Variants in SEPTIN7 observed in about 807,000 individuals in gnomAD.
SEPTIN7 encodes septin 7.
Under a neutral mutation model 63.3 loss-of-function variants are expected in SEPTIN7, and 10 were observed. The ratio of observed to expected loss-of-function variants is 0.16; its 90% CI spans 0.10 to 0.27. SEPTIN7 has a LOEUF of 0.27. Among genes scored for constraint, SEPTIN7 ranks in the 10% least tolerant of loss-of-function variants. The pLI is 1.00. For missense variants in SEPTIN7, 310 were observed against 521.0 expected (o/e 0.59, Z 3.94); for synonymous variants, 131 against 165.3 (o/e 0.79, Z 1.59).
intron 11 of SEPTIN7, among the ~76,000 whole-genome samples, chr7:35,897,606 T>C (rs1788031575): frequency 6.6e-6 from 1 of 152,158 alleles, no homozygotes; most frequent in Non-Finnish European, 1.5e-5. Context: ...CTGAAGTATG[T>C]GTGTGTGTTT....
At chr7:35,859,065 C>T (rs1247314191) in intron 3 of SEPTIN7, among the ~76,000 whole-genome samples, 1 of 152,024 alleles carries the variant, frequency 6.6e-6, no homozygotes, top group Non-Finnish European at 1.5e-5. Context: ...TTAGTTTGCT[C>T]TTCTTTTTCT....
At chr7:35,859,014 G>T (rs117548269) in intron 3 of SEPTIN7, among the ~76,000 whole-genome samples, 1 of 151,926 alleles carries the variant, frequency 6.6e-6, no homozygotes, top group Non-Finnish European at 1.5e-5. Context: ...ATTTATCTCC[G>T]CTCTAATCTT....
chr7:35,872,634 G>C, intron 4 of SEPTIN7, 32 bp from the exon 5 acceptor site: 1 of 1,485,900 alleles, frequency 6.7e-7, no homozygotes, highest in Non-Finnish European at 9.4e-7. Flanking sequence ...TGTAATGTAT[G>C]ATATTAACAT....
intron 4 of SEPTIN7, among the ~76,000 whole-genome samples, chr7:35,869,374 G>A (rs1786007635): frequency 6.6e-6 from 1 of 152,162 alleles, no homozygotes; most frequent in Non-Finnish European, 1.5e-5. Context: ...AAACATGTAA[G>A]ATGATATTTG....
At chr7:35,837,513 T>C (rs1784139306) in intron 3 of SEPTIN7, among the ~76,000 whole-genome samples, 1 of 151,934 alleles carries the variant, frequency 6.6e-6, no homozygotes, top group Admixed American at 6.6e-5. Flanking sequence ...CTTAGAATAA[T>C]AAAGCTTTGG....
Position 35,898,515 on chromosome 7 carries a change from C to T in SEPTIN7, c.1134+132C>T, listed in dbSNP as rs146560130. The T allele has an allele frequency of 1.1e-3, 640 of 559,142 alleles. 8 individuals are homozygous for T. The East Asian group carries it at 0.016, about 14-fold the overall frequency. 34.6% of individuals were successfully genotyped at this position (559,142 alleles called of 1,614,324 possible). A position where few individuals can be genotyped will look rare whatever the true frequency, so the allele number is the denominator to read the frequency against. ...AAATTAATACCCTAGTGTAACAAAACGGATAAATTTCTAGAAGCAAGCACC... is the reference window on the plus strand; with the variant it reads ...AAATTAATACCCTAGTGTAACAAAATGGATAAATTTCTAGAAGCAAGCACC... On this transcript the variant is annotated intron_variant, in intron 12 of 13. Transcript: ENST00000350320.
intron 7 of SEPTIN7, among the ~76,000 whole-genome samples, chr7:35,880,399 ATTG>A (rs2116270923): frequency 6.6e-6 from 1 of 151,224 alleles, no homozygotes; most frequent in East Asian, 1.9e-4. Context: ...CTTTGCCAGC[ATTG>A]TTATTTTTAT....
intron 3 of SEPTIN7, among the ~76,000 whole-genome samples, chr7:35,833,468 A>G (rs1295329298): frequency 6.6e-6 from 1 of 151,988 alleles, no homozygotes; most frequent in Non-Finnish European, 1.5e-5. Flanking sequence ...TCCATTTGAA[A>G]ATACTGTTAA....
intron 4 of SEPTIN7, among the ~76,000 whole-genome samples, chr7:35,868,824 A>T (rs572608079): frequency 6.6e-6 from 1 of 152,356 alleles, no homozygotes; most frequent in East Asian, 1.9e-4. Flanking sequence ...TTGAGAAATT[A>T]GCTTTAGGAA....
chr7:35,874,332 G>C (rs1046350988), intron 6 of SEPTIN7, among the ~76,000 whole-genome samples: 5 of 152,100 alleles, frequency 3.3e-5, no homozygotes, highest in Non-Finnish European at 7.4e-5. Flanking sequence ...TAAGACCTAA[G>C]AATCTAGACA....
At chr7:35,913,374 ATTCT>A in the SEPTIN7 span, among the ~76,000 whole-genome samples, 1 of 151,834 alleles carries the variant, frequency 6.6e-6, no homozygotes, top group Non-Finnish European at 1.5e-5. Context: ...CTGGGACAAA[ATTCT>A]TTCTTTTTAT....
Position 35,821,959 on chromosome 7 carries a change from C to T in SEPTIN7, c.62-9533C>T, listed in dbSNP as rs569137838. On this transcript the variant is annotated intron_variant, in intron 1 of 13. Transcript: ENST00000350320. ...CTAATTTTTGTGTTTTTAGTAGAGA[C>T]GGGGTTTCACTATGTTGGCAAGGCT... 3.3e-5 allele frequency among the ~76,000 whole-genome samples: 5 copies of T among 152,160 alleles called. No homozygotes were observed. The East Asian group carries it at 5.8e-4, about 18-fold the overall frequency.
chr7:35,849,247 C>T (rs1257263656), intron 3 of SEPTIN7, among the ~76,000 whole-genome samples: 2 of 152,092 alleles, frequency 1.3e-5, no homozygotes, highest in African/African-American at 2.4e-5. Flanking sequence ...ACCAGTGGCT[C>T]CCAGTTTTTT....
At chr7:35,810,467 GCGCC>G (rs1788621271) in intron 1 of SEPTIN7, among the ~76,000 whole-genome samples, 1 of 151,868 alleles carries the variant, frequency 6.6e-6, no homozygotes, top group Non-Finnish European at 1.5e-5. Context: ...GGGACTACAG[GCGCC>G]CGCCACCACA....
intron 10 of SEPTIN7, among the ~76,000 whole-genome samples, chr7:35,888,632 C>G (rs1175027186): frequency 6.6e-6 from 1 of 151,896 alleles, no homozygotes; most frequent in African/African-American, 2.4e-5. Context: ...CTGGCCTGGG[C>G]AACATGGTGA....
intron 1 of SEPTIN7, among the ~76,000 whole-genome samples, chr7:35,817,315 A>G (rs1789135192): frequency 1.3e-5 from 2 of 152,146 alleles, no homozygotes; most frequent in South Asian, 4.1e-4. Flanking sequence ...GTCTTTTTCC[A>G]TTGTGTGGTC....
At chr7:35,864,755 C>T (rs1785710518) in intron 4 of SEPTIN7, among the ~76,000 whole-genome samples, 1 of 152,066 alleles carries the variant, frequency 6.6e-6, no homozygotes, top group African/African-American at 2.4e-5. Flanking sequence ...TTGGTGAGCT[C>T]TGCTTATGTG....
chr7:35,857,739 A>G (rs1244749798), intron 3 of SEPTIN7, among the ~76,000 whole-genome samples: 1 of 152,244 alleles, frequency 6.6e-6, no homozygotes, highest in Non-Finnish European at 1.5e-5. Flanking sequence ...AAGTATAATT[A>G]GGTATTTGCT....
rs1473622844 is a variant in SEPTIN7 at position 35,882,498 on chromosome 7, C to T, written c.645C>T (p.Ile215=). The T allele has an allele frequency of 6.1e-6, 9 of 1,468,344 alleles. No homozygotes were observed. The highest frequency in any genetic ancestry group is 2.6e-5 in the East Asian group (1 of 38,314). 91.0% of individuals were successfully genotyped at this position (1,468,344 alleles called of 1,614,324 possible). A position where few individuals can be genotyped will look rare whatever the true frequency, so the allele number is the denominator to read the frequency against. The change falls in exon 8 of 14, where the codon ATC becomes ATT. Residue 215 remains isoleucine, a synonymous_variant. Transcript: ENST00000350320. Reference sequence around the variant, plus strand: ...TTCCATTTTAGATAATGAAAGAAATCCAAGAACATAAAATTAAAATATACG... The same window carrying T: ...TTCCATTTTAGATAATGAAAGAAATTCAAGAACATAAAATTAAAATATACG... ...QQFKKQIMKE[I]QEHKIKIYEF... is the part of the protein sequence containing the mutation.
Sources: gnomAD v4.1 joint callset for allele counts (sites outside exome capture counted in the v4.1 genomes callset) on GRCh38, gnomAD v4.1.1 for gene constraint, MANE v1.5 for transcripts, NCBI Gene and HGNC (gene_info 2026-07-23, HGNC 2026-07-21) for gene names.